ST6GALNAC3: variants seen among roughly 807,000 people sequenced by gnomAD.
ST6GALNAC3 encodes ST6 N-acetylgalactosaminide alpha-2,6-sialyltransferase 3.
Under a neutral mutation model 32.7 loss-of-function variants are expected in ST6GALNAC3, and 25 were observed. The observed-to-expected ratio is 0.76, with a 90% CI of 0.56 to 1.07. The LOEUF is 1.07. Among genes scored for constraint, ST6GALNAC3 ranks in the 50% least tolerant of loss-of-function variants. The pLI is 0.00. For synonymous variants in ST6GALNAC3, 129 were observed against 133.1 expected, an observed-to-expected ratio of 0.97 and a Z score of 0.21; for missense variants, 355 against 382.4, an observed-to-expected ratio of 0.93 and a Z score of 0.60.
At chr1:76,311,379 C>T (rs1471565175) in intron 1 of ST6GALNAC3, among the ~76,000 whole-genome samples, 1 of 151,968 alleles carries the variant, frequency 6.6e-6, no homozygotes, top group East Asian at 1.9e-4. Flanking sequence ...TTGCTACACC[C>T]GTCAACTAGT....
chr1:76,602,359 G>A (rs1224164341), intron 3 of ST6GALNAC3, among the ~76,000 whole-genome samples: 1 of 152,000 alleles, frequency 6.6e-6, no homozygotes, highest in Non-Finnish European at 1.5e-5. Flanking sequence ...GCCTGTGCAT[G>A]TAGAAGAAGA....
At chr1:76,161,543 T>C (rs149538117) in intron 1 of ST6GALNAC3, among the ~76,000 whole-genome samples, 1 of 152,134 alleles carries the variant, frequency 6.6e-6, no homozygotes, top group Non-Finnish European at 1.5e-5. Flanking sequence ...CCTCTGGAGA[T>C]TTTTCTCTCT....
chr1:76,134,590 A>G (rs1649820557), intron 1 of ST6GALNAC3, among the ~76,000 whole-genome samples: 1 of 152,046 alleles, frequency 6.6e-6, no homozygotes, highest in South Asian at 2.1e-4. Flanking sequence ...CTTTTCCCTC[A>G]TCTTTTCTTC....
At chr1:76,154,843 C>T (rs965647863) in intron 1 of ST6GALNAC3, among the ~76,000 whole-genome samples, 1 of 152,078 alleles carries the variant, frequency 6.6e-6, no homozygotes, top group South Asian at 2.1e-4. Flanking sequence ...CTCAATACAC[C>T]AGGGAGCGCT....
intron 1 of ST6GALNAC3, among the ~76,000 whole-genome samples, chr1:76,287,563 G>C (rs1659856281): frequency 6.6e-6 from 1 of 152,020 alleles, no homozygotes; most frequent in African/African-American, 2.4e-5. Flanking sequence ...CTGTTTAAAA[G>C]ATGAGTACTC....
chr1:76,234,226 G>A (rs512082), intron 1 of ST6GALNAC3, among the ~76,000 whole-genome samples: 60,286 of 151,836 alleles, frequency 0.4, 14,611 homozygotes, highest in African/African-American at 0.69. Flanking sequence ...CATCCTCCCA[G>A]ATTTCTCTGT....
At chr1:76,338,574 T>C (rs1012561462) in intron 2 of ST6GALNAC3, among the ~76,000 whole-genome samples, 2 of 152,170 alleles carry the variant, frequency 1.3e-5, no homozygotes, top group Non-Finnish European at 2.9e-5. Context: ...TTTGCACCCA[T>C]GGGATATTTA....
intron 2 of ST6GALNAC3, among the ~76,000 whole-genome samples, chr1:76,375,563 A>G (rs1290840888): frequency 6.6e-6 from 1 of 152,198 alleles, no homozygotes; most frequent in African/African-American, 2.4e-5. Context: ...AGTTCAGAGG[A>G]TGGAACAGCG....
At chr1:76,484,136 A>T (rs1464188062) in intron 3 of ST6GALNAC3, among the ~76,000 whole-genome samples, 1 of 152,166 alleles carries the variant, frequency 6.6e-6, no homozygotes, top group Non-Finnish European at 1.5e-5. Context: ...CTTGTAGCAG[A>T]GTTTGAAGTC....
intron 2 of ST6GALNAC3, among the ~76,000 whole-genome samples, chr1:76,360,597 C>T (rs1458995240): frequency 1.3e-5 from 2 of 152,096 alleles, no homozygotes; most frequent in African/African-American, 2.4e-5. Context: ...AAAAATACAA[C>T]GTGTTGAGAT....
chr1:76,264,809 C>G (rs933300266), intron 1 of ST6GALNAC3, among the ~76,000 whole-genome samples: 1 of 151,914 alleles, frequency 6.6e-6, no homozygotes, highest in Non-Finnish European at 1.5e-5. Context: ...GTGATTAAAA[C>G]CAGATGGAGA....
intron 1 of ST6GALNAC3, among the ~76,000 whole-genome samples, chr1:76,259,259 A>G (rs954436084): frequency 1.3e-5 from 2 of 152,156 alleles, no homozygotes; most frequent in African/African-American, 4.8e-5. Context: ...ATTTCTAATG[A>G]CAGAAGAAAT....
chr1:76,546,540 A>G (rs559149984), intron 3 of ST6GALNAC3, among the ~76,000 whole-genome samples: 1 of 152,326 alleles, frequency 6.6e-6, no homozygotes, highest in South Asian at 2.1e-4. Context: ...AATAAAATGC[A>G]AATGACCTTT....
At chr1:76,375,540 T>C (rs552320354) in intron 2 of ST6GALNAC3, among the ~76,000 whole-genome samples, 1 of 152,258 alleles carries the variant, frequency 6.6e-6, no homozygotes, top group East Asian at 1.9e-4. Context: ...AAGCATCTAC[T>C]TGTCATTTCC....
chr1:76,342,086 C>T (rs1401260964), intron 2 of ST6GALNAC3, among the ~76,000 whole-genome samples: 1 of 152,110 alleles, frequency 6.6e-6, no homozygotes, highest in African/African-American at 2.4e-5. Flanking sequence ...ATATGTGCCA[C>T]ATTTTCTTTA....
chr1:76,313,777 T>C, intron 1 of ST6GALNAC3, 28 bp from the exon 2 acceptor site: 1 of 1,610,328 alleles, frequency 6.2e-7, no homozygotes, highest in Non-Finnish European at 8.5e-7. Flanking sequence ...TCATTCGTTC[T>C]TCTTTTTGTT....
At chr1:76,443,457 C>G (rs993081011) in intron 3 of ST6GALNAC3, among the ~76,000 whole-genome samples, 1 of 152,190 alleles carries the variant, frequency 6.6e-6, no homozygotes, top group Admixed American at 6.5e-5. Flanking sequence ...AGTGAGGACG[C>G]TATCGGTTCA....
At chr1:76,371,929 T>C (rs1479561991) in intron 2 of ST6GALNAC3, among the ~76,000 whole-genome samples, 1 of 152,274 alleles carries the variant, frequency 6.6e-6, no homozygotes, top group East Asian at 1.9e-4. Flanking sequence ...CTCCTCCTTT[T>C]GGTTAAGGAG....
At chr1:76,128,637 C>A (rs1441013388) in intron 1 of ST6GALNAC3, among the ~76,000 whole-genome samples, 2 of 152,192 alleles carry the variant, frequency 1.3e-5, no homozygotes, top group African/African-American at 4.8e-5. Context: ...ACAGAACAAA[C>A]AGCTCCCCCA....
Sources: gnomAD v4.1 joint callset for allele counts (sites outside exome capture counted in the v4.1 genomes callset) on GRCh38, gnomAD v4.1.1 for gene constraint, MANE v1.5 for transcripts, NCBI Gene and HGNC (gene_info 2026-07-23, HGNC 2026-07-21) for gene names.